Variants in CHCHD3 observed in about 807,000 individuals in gnomAD.
CHCHD3 encodes the protein MICOS complex subunit MIC19.
In CHCHD3, 20 loss-of-function variants were observed where a neutral mutation model predicts 38.2. The observed-to-expected ratio is 0.52, with a 90% CI of 0.37 to 0.76. The LOEUF (loss-of-function observed/expected upper bound fraction) is 0.76, where lower values mean the gene tolerates loss of function less well. Among genes scored for constraint, CHCHD3 ranks in the 30% least tolerant of loss-of-function variants. The pLI, the probability that CHCHD3 is intolerant of heterozygous loss-of-function variation, is 0.00. For synonymous variants in CHCHD3, 82 were observed against 100.0 expected (o/e 0.82, Z 1.07); for missense variants, 245 against 279.2 (o/e 0.88, Z 0.87).
chr7:132,878,807 A>G (rs554519018), intron 5 of CHCHD3, among the ~76,000 whole-genome samples: 5 of 152,236 alleles, frequency 3.3e-5, no homozygotes, highest in Non-Finnish European at 7.3e-5. Context: ...GTCATGAACA[A>G]GTTAACAAAT....
chr7:132,951,595 G>T (rs1811037884), intron 4 of CHCHD3, among the ~76,000 whole-genome samples: 1 of 152,142 alleles, frequency 6.6e-6, no homozygotes, highest in Admixed American at 6.5e-5. Context: ...ATACCATCTA[G>T]GTTTGTGTAA....
chr7:132,839,030 TA>T (rs957023004), intron 5 of CHCHD3, among the ~76,000 whole-genome samples: 103 of 146,284 alleles, frequency 7.0e-4, no homozygotes, highest in East Asian at 9.9e-4. Flanking sequence ...GTCTCTACTT[TA>T]AAAAAAAAAA....
chr7:133,061,143 C>G (rs1054811346), intron 2 of CHCHD3, among the ~76,000 whole-genome samples: 2 of 151,616 alleles, frequency 1.3e-5, no homozygotes, highest in African/African-American at 4.8e-5. Flanking sequence ...AGAGGAAGGC[C>G]GGGGTGGGGT....
chr7:132,814,866 C>A (rs1415371243), intron 6 of CHCHD3, among the ~76,000 whole-genome samples: 1 of 152,072 alleles, frequency 6.6e-6, no homozygotes, highest in Admixed American at 6.6e-5. Context: ...GACTTGTTGG[C>A]CTAATTTAAT....
At chr7:132,972,157 T>C (rs958527784) in intron 4 of CHCHD3, among the ~76,000 whole-genome samples, 2 of 152,346 alleles carry the variant, frequency 1.3e-5, no homozygotes, top group African/African-American at 4.8e-5. Flanking sequence ...ATTTTCTTTG[T>C]AATTTTTTGT....
chr7:133,007,924 T>C (rs923301374), intron 3 of CHCHD3, among the ~76,000 whole-genome samples: 4 of 152,204 alleles, frequency 2.6e-5, no homozygotes, highest in Admixed American at 2.0e-4. Flanking sequence ...GTTCTACAGG[T>C]TGAATCTCAT....
intron 3 of CHCHD3, among the ~76,000 whole-genome samples, chr7:132,997,068 A>C (rs1268465262): frequency 7.2e-5 from 11 of 152,240 alleles, no homozygotes; most frequent in Admixed American, 3.9e-4. Context: ...TTAGTCATTG[A>C]CATAGTGCTC....
chr7:133,082,036 C>T lies in CHCHD3; in HGVS notation c.-99G>A. 2 of 1,150,768 alleles carry T rather than the reference C, an allele frequency of 1.7e-6. No individual in the cohort carries two copies. The highest frequency in any genetic ancestry group is 2.4e-6 in the Non-Finnish European group (2 of 833,872). The allele number at this position is 1,150,768 out of a possible 1,614,324, so 71.3% of individuals were successfully genotyped here. On this transcript the variant is annotated 5_prime_UTR_variant, in exon 1 of 8. Transcript: ENST00000262570. ...CGTGGAAGGGCCTGGATTCTTTTCC[C>T]GCACAGCGGGAGCAAGGCCACGACC...
At chr7:132,950,235 G>A (rs1350371650) in intron 4 of CHCHD3, among the ~76,000 whole-genome samples, 3 of 151,900 alleles carry the variant, frequency 2.0e-5, no homozygotes, top group Admixed American at 6.6e-5. Flanking sequence ...CTGGGTGACG[G>A]GATCGACTAC....
At chr7:133,045,066 C>T (rs1422611353) in intron 2 of CHCHD3, among the ~76,000 whole-genome samples, 2 of 152,194 alleles carry the variant, frequency 1.3e-5, no homozygotes, top group Non-Finnish European at 2.9e-5. Flanking sequence ...ATCCGAGTTA[C>T]TTAGTATCTC....
intron 5 of CHCHD3, among the ~76,000 whole-genome samples, chr7:132,847,067 G>T (rs917525760): frequency 2.6e-5 from 4 of 152,236 alleles, no homozygotes; most frequent in African/African-American, 4.8e-5. Flanking sequence ...TTCCCTTGTA[G>T]CCACCCCGAG....
intron 3 of CHCHD3, among the ~76,000 whole-genome samples, chr7:132,977,618 CT>C (rs1811803496): frequency 6.6e-6 from 1 of 152,168 alleles, no homozygotes; most frequent in South Asian, 2.1e-4. Flanking sequence ...TATGGATCAA[CT>C]ACTAAGCACT....
At chr7:132,914,697 C>T (rs6961402) in intron 4 of CHCHD3, among the ~76,000 whole-genome samples, 3,768 of 152,214 alleles carry the variant, frequency 0.025, 184 homozygotes, top group African/African-American at 0.086. Flanking sequence ...GCAGACCCAA[C>T]GTGCCTTACA....
At chr7:133,061,583 T>C (rs1814516708) in intron 2 of CHCHD3, among the ~76,000 whole-genome samples, 1 of 151,972 alleles carries the variant, frequency 6.6e-6, no homozygotes, top group Non-Finnish European at 1.5e-5. Flanking sequence ...ACACAGTGAG[T>C]ACACAGGGGT....
At chr7:132,963,910 AAATACAT>A (rs1387318886) in intron 4 of CHCHD3, among the ~76,000 whole-genome samples, 7 of 152,204 alleles carry the variant, frequency 4.6e-5, no homozygotes, top group Admixed American at 2.6e-4. Flanking sequence ...TATAATTGAA[AAATACAT>A]TAACAATTAT....
At chr7:132,826,019 C>T (rs142793322) in intron 6 of CHCHD3, among the ~76,000 whole-genome samples, 2 of 152,176 alleles carry the variant, frequency 1.3e-5, no homozygotes, top group African/African-American at 4.8e-5. Flanking sequence ...AAAGCAGGAA[C>T]AGGTGTATGC....
chr7:132,872,195 C>A (rs1298593488), intron 5 of CHCHD3, among the ~76,000 whole-genome samples: 1 of 152,176 alleles, frequency 6.6e-6, no homozygotes, highest in Non-Finnish European at 1.5e-5. Context: ...ATAGGAGAAA[C>A]ATCTCTGACC....
At position 133,035,178 on chromosome 7, in the gene CHCHD3, C is replaced by G; in HGVS notation, c.170-10551G>C. 3 of 1,613,722 alleles carry G rather than the reference C, an allele frequency of 1.9e-6. No individual in the cohort carries two copies. In the East Asian group the frequency reaches 6.7e-5, roughly 36 times the overall value. On this transcript the variant is annotated intron_variant, in intron 2 of 7. Coordinates refer to ENST00000262570, the MANE Select transcript of CHCHD3 (RefSeq NM_017812.4). This position sits in a 1 kb window ranked among gnomAD's most constrained non-coding sequence, Gnocchi z 4.7. ...GGCAGCCGCCTTTTTCTCCTCCTTC[C>G]GCTCAGCCTGGGGCTTCTGCTTCTC...
Position 132,869,645 on chromosome 7 carries a change from G to A in CHCHD3, c.453+16017C>T, listed in dbSNP as rs114941478. On this transcript the variant is annotated intron_variant, in intron 5 of 7. Transcript: ENST00000262570. ...TCTGTTGCCCAGGCTGGAGTGCAGC[G>A]ACATAATGGCTCACTGCAGCCTTGA... Among the ~76,000 whole-genome samples the A allele has an allele frequency of 7.8e-3, 1,193 of 152,240 alleles. 19 individuals carry two copies. Among genetic ancestry groups the A allele is most frequent in the African/African-American group, 0.027 (1,108 of 41,536 alleles).
Sources: gnomAD v4.1 joint callset for allele counts (sites outside exome capture counted in the v4.1 genomes callset) on GRCh38, gnomAD v4.1.1 for gene constraint, Gnocchi (gnomAD v3.1) non-coding constraint, MANE v1.5 for transcripts, NCBI Gene and HGNC (gene_info 2026-07-23, HGNC 2026-07-21) for gene names.